The following ARID5B variants were observed in gnomAD, a reference collection of about 807,000 sequenced individuals.
ARID5B encodes the protein AT-rich interaction domain 5B, also known as AT-rich interactive domain-containing protein 5B.
ARID5B carries 13 observed loss-of-function variants against 97.2 expected under a neutral mutation model. The ratio of observed to expected loss-of-function variants is 0.13; its 90% CI spans 0.09 to 0.21. The LOEUF is 0.21. Among genes scored for constraint, ARID5B ranks in the 10% least tolerant of loss-of-function variants. The pLI is 1.00. For missense variants in ARID5B, 1,210 were observed against 1,465.3 expected (o/e 0.83, Z 2.84); for synonymous variants, 556 against 570.3 (o/e 0.97, Z 0.36).
chr10:62,012,084 A>G (rs933990502), intron 4 of ARID5B, among the ~76,000 whole-genome samples: 1 of 152,198 alleles, frequency 6.6e-6, no homozygotes, highest in Non-Finnish European at 1.5e-5. Context: ...TCTATTACGA[A>G]AAGTACAAGT....
chr10:61,991,495 A>G (rs539987486), intron 3 of ARID5B, among the ~76,000 whole-genome samples: 2 of 152,298 alleles, frequency 1.3e-5, no homozygotes, highest in South Asian at 4.1e-4. Flanking sequence ...AGAATCATCA[A>G]AGTCCTTTGC....
intron 7 of ARID5B, among the ~76,000 whole-genome samples, chr10:62,066,060 C>A (rs1481557425): frequency 6.6e-6 from 1 of 152,108 alleles, no homozygotes; most frequent in East Asian, 1.9e-4. Context: ...TGGTTTTATT[C>A]CAGATGGAAT....
intron 8 of ARID5B, among the ~76,000 whole-genome samples, chr10:62,081,819 T>C (rs1283713751): frequency 6.6e-6 from 1 of 152,224 alleles, no homozygotes; most frequent in Non-Finnish European, 1.5e-5. Context: ...TAATATCAGA[T>C]GAGGCAGATC....
intron 2 of ARID5B, among the ~76,000 whole-genome samples, chr10:61,918,965 C>T (rs1005454651): frequency 1.4e-5 from 2 of 142,290 alleles, no homozygotes; most frequent in Admixed American, 7.6e-5. Context: ...ACCTGGGAGG[C>T]GGAGATTGCA....
intron 3 of ARID5B, among the ~76,000 whole-genome samples, chr10:61,958,418 G>A (rs985001116): frequency 6.6e-5 from 10 of 151,898 alleles, no homozygotes; most frequent in Non-Finnish European, 1.2e-4. Flanking sequence ...TAGTAGAGAC[G>A]GGTTTCACCA....
At chr10:61,991,270 A>G (rs1318307385) in intron 3 of ARID5B, among the ~76,000 whole-genome samples, 3 of 152,198 alleles carry the variant, frequency 2.0e-5, no homozygotes, top group African/African-American at 7.2e-5. Flanking sequence ...AGGAAGTCCC[A>G]TACTTTTTCA....
At chr10:62,037,009 A>G (rs1344883847) in intron 4 of ARID5B, among the ~76,000 whole-genome samples, 2 of 152,224 alleles carry the variant, frequency 1.3e-5, no homozygotes, top group African/African-American at 4.8e-5. Flanking sequence ...TCATGTGAAA[A>G]GCCAAGAACC....
intron 9 of ARID5B, 74 bp downstream of exon 9, chr10:62,085,974 C>T (rs564988867): frequency 3.1e-5 from 45 of 1,472,056 alleles, no homozygotes; most frequent in African/African-American, 5.7e-5. Context: ...AGCCCTGAAT[C>T]CACAGCTGTG....
chr10:62,075,479 C>T (rs546858836), intron 8 of ARID5B, among the ~76,000 whole-genome samples: 25 of 152,306 alleles, frequency 1.6e-4, no homozygotes, highest in African/African-American at 6.0e-4. Context: ...GTTCCAGGCG[C>T]TCTTACTCTG....
chr10:62,001,744 A>G (rs1839082636), intron 4 of ARID5B, among the ~76,000 whole-genome samples: 1 of 152,160 alleles, frequency 6.6e-6, no homozygotes. Flanking sequence ...TTTTCCCTCT[A>G]AATTGTGTTT....
chr10:62,077,329 TG>T (rs1156407743), intron 8 of ARID5B, among the ~76,000 whole-genome samples: 1 of 152,188 alleles, frequency 6.6e-6, no homozygotes, highest in East Asian at 1.9e-4. Context: ...GTAGAAAAAC[TG>T]GTTTCTATTT....
chr10:61,938,108 A>G (rs1386518230), intron 2 of ARID5B, among the ~76,000 whole-genome samples: 1 of 152,174 alleles, frequency 6.6e-6, no homozygotes, highest in Non-Finnish European at 1.5e-5. Flanking sequence ...GAGAGGGAGA[A>G]AAAGGGAGGA....
At chr10:62,024,527 G>C in intron 4 of ARID5B, 1 of 356,614 alleles carries the variant, frequency 2.8e-6, no homozygotes, top group Admixed American at 4.7e-5. Context: ...ATCATACCTC[G>C]GGACTTTATC....
chr10:61,945,540 T>C lies in ARID5B; in HGVS notation c.502+5132T>C, dbSNP rs1369451145. ...GAGTCTTTGGAAGGTATTTGTTGTT[T>C]ATATTTTACTTTGGATTGCTGGTTT... On this transcript the variant is annotated intron_variant, in intron 3 of 9. Coordinates refer to ENST00000279873, the MANE Select transcript of ARID5B (RefSeq NM_032199.3). Among the ~76,000 whole-genome samples, 3 of 152,346 alleles carry C rather than the reference T, an allele frequency of 2.0e-5. No individual in the cohort carries two copies. In the East Asian group the frequency reaches 5.8e-4, roughly 29 times the overall value.
intron 3 of ARID5B, among the ~76,000 whole-genome samples, chr10:61,966,220 C>T (rs1056271605): frequency 4.6e-5 from 7 of 152,100 alleles, no homozygotes; most frequent in African/African-American, 1.7e-4. Context: ...GAACAGGAAA[C>T]CATTTCATCC....
chr10:61,952,460 TC>T (rs1435299195), intron 3 of ARID5B, among the ~76,000 whole-genome samples: 4 of 152,240 alleles, frequency 2.6e-5, no homozygotes, highest in African/African-American at 7.2e-5. Context: ...GTTTATCTTA[TC>T]TTCCCAAAAA....
chr10:62,093,424 C>G lies in ARID5B; in HGVS notation c.*394C>G, dbSNP rs988091509. 1 of 258,910 alleles carries G rather than the reference C, an allele frequency of 3.9e-6. No individual in the cohort carries two copies. Among genetic ancestry groups the G allele is most frequent in the African/African-American group, 2.2e-5 (1 of 45,914 alleles). 16.0% of individuals were successfully genotyped at this position (258,910 alleles called of 1,614,324 possible). On this transcript the variant is annotated 3_prime_UTR_variant, in exon 10 of 10. Coordinates refer to ENST00000279873, the MANE Select transcript of ARID5B (RefSeq NM_032199.3). ...GGAAGGGGCAAGGAAGACTGGCAAA[C>G]AGATGGCAAGGGATGCCCCTCTTTT...
intron 3 of ARID5B, among the ~76,000 whole-genome samples, chr10:61,991,484 G>A (rs569268521): frequency 1.8e-4 from 27 of 152,182 alleles, no homozygotes; most frequent in Non-Finnish European, 2.9e-5. Context: ...ATATTCTTTG[G>A]AGAATCATCA....
chr10:61,984,973 A>G (rs1254616085), intron 3 of ARID5B, among the ~76,000 whole-genome samples: 1 of 152,072 alleles, frequency 6.6e-6, no homozygotes, highest in Non-Finnish European at 1.5e-5. Flanking sequence ...CAGTTTGCCC[A>G]TCTGAAAAAT....
Sources: allele counts gnomAD v4.1 joint callset (sites outside exome capture counted in the v4.1 genomes callset), GRCh38; gene constraint gnomAD v4.1.1; transcripts MANE v1.5; gene names NCBI Gene and HGNC (gene_info 2026-07-23, HGNC 2026-07-21).